The following PCAT7 variants were observed in gnomAD, a reference collection of about 807,000 sequenced individuals.
PCAT7 encodes prostate cancer associated transcript 7.
At chr9:94,555,823 G>T (rs1008838726) in intron 1 of PCAT7, among the ~76,000 whole-genome samples, 1 of 151,796 alleles carries the variant, frequency 6.6e-6, no homozygotes, top group Non-Finnish European at 1.5e-5. Flanking sequence ...GTGACAAGGA[G>T]GAGGAGAAAA....
chr9:94,574,274 A>T (rs527504254), intron 3 of PCAT7, among the ~76,000 whole-genome samples: 114 of 152,300 alleles, frequency 7.5e-4, no homozygotes, highest in Non-Finnish European at 1.4e-3. Flanking sequence ...ATCAATTTAT[A>T]CTTTTACCAC....
rs953520690 is a variant in PCAT7, at chr9:94,573,109, A to G, written n.512+60A>G. 8 of 152,216 alleles carry G rather than the reference A, an allele frequency of 5.3e-5. 1 individual carries two copies. Among genetic ancestry groups the G allele is most frequent in the South Asian group, 4.1e-4 (2 of 4,834 alleles). The allele number at this position is 152,216 out of a possible 1,614,324, so 9.4% of individuals were successfully genotyped here. A position where few individuals can be genotyped will look rare whatever the true frequency, so the allele number is the denominator to read the frequency against. On this transcript the variant is annotated intron_variant and non_coding_transcript_variant, in intron 3 of 8. Coordinates refer to ENST00000647389, the Ensembl canonical transcript of PCAT7. ...CTGGCTACAACTTTCAGGATTACAT[A>G]TGTTGGGTAACAGTGGCGAGTGAGG...
intron 1 of PCAT7, among the ~76,000 whole-genome samples, chr9:94,557,054 T>A (rs1827022962): frequency 6.6e-6 from 1 of 152,228 alleles, no homozygotes; most frequent in Non-Finnish European, 1.5e-5. Context: ...TCTGTCTCAT[T>A]CGTTCATCTC....
intron 1 of PCAT7, among the ~76,000 whole-genome samples, chr9:94,555,746 A>G (rs895383280): frequency 6.6e-5 from 10 of 151,728 alleles, no homozygotes; most frequent in African/African-American, 1.9e-4. Context: ...ACAGTGGCAG[A>G]AAAGAAAGAT....
At chr9:94,557,851 C>T (rs1827032705) in intron 1 of PCAT7, among the ~76,000 whole-genome samples, 1 of 152,176 alleles carries the variant, frequency 6.6e-6, no homozygotes, top group South Asian at 2.1e-4. Context: ...AGCAATTCTT[C>T]CTAAAACAAG....
At chr9:94,558,693 C>G (rs745586241) in intron 1 of PCAT7, 1 of 463,912 alleles carries the variant, frequency 2.2e-6, no homozygotes, top group Non-Finnish European at 3.9e-6. Flanking sequence ...GCCACTGTTT[C>G]TGACAGAAGA....
In PCAT7 at chr9:94,561,352, ATTTTTTTTT is replaced by A. The variant is rs1174386595; in HGVS notation, n.441+2220_441+2228del. Among the ~76,000 whole-genome samples the A allele has an allele frequency of 7.3e-4, 40 of 54,992 alleles. 1 individual carries two copies. The highest frequency in any genetic ancestry group is 0.018 in the Middle Eastern group (1 of 56). 36.1% of individuals were successfully genotyped at this position (54,992 alleles called of 152,430 possible). A position where few individuals can be genotyped will look rare whatever the true frequency, so the allele number is the denominator to read the frequency against. ...GCAGGCCATGTGACATGTGACCTGT[ATTTTTTTTT>A]TTTTTTTTTTTTTTTTTTTGAGATG... is the stretch of plus-strand genomic sequence containing the variant. On this transcript the variant is annotated intron_variant and non_coding_transcript_variant, in intron 2 of 8. Transcript: ENST00000647389.
chr9:94,567,292 A>G, intron 2 of PCAT7: 1 of 1,614,138 alleles, frequency 6.2e-7, no homozygotes, highest in Non-Finnish European at 8.5e-7. Flanking sequence ...CTTTTTCTGC[A>G]CATATTCAGT....
rs141155240 is a variant in PCAT7, at chr9:94,572,664, C to T, written n.442-315C>T. 7.9e-5 allele frequency among the ~76,000 whole-genome samples: 12 copies of T among 152,206 alleles called. No individual in the cohort carries two copies. The East Asian group carries it at 2.3e-3, about 29-fold the overall frequency. On this transcript the variant is annotated intron_variant and non_coding_transcript_variant, in intron 2 of 8. Coordinates refer to ENST00000647389, the Ensembl canonical transcript of PCAT7. ...TTGTTCCTGTCTGTTTACCCATCAC[C>T]TAGCACAATCCAGTCCACAGATATT...
At position 94,561,352 on chromosome 9, in the gene PCAT7, A is replaced by ATTTTTTTTTT. The variant is rs1174386595; in HGVS notation, n.441+2219_441+2228dup. ...GCAGGCCATGTGACATGTGACCTGT[A>ATTTTTTTTTT]TTTTTTTTTTTTTTTTTTTTTTTTT... On this transcript the variant is annotated intron_variant and non_coding_transcript_variant, in intron 2 of 8. Coordinates refer to ENST00000647389, the Ensembl canonical transcript of PCAT7. 3.7e-3 allele frequency among the ~76,000 whole-genome samples: 203 copies of ATTTTTTTTTT among 54,990 alleles called. 36 individuals are homozygous for ATTTTTTTTTT. Among genetic ancestry groups the ATTTTTTTTTT allele is most frequent in the Non-Finnish European group, 4.7e-3 (154 of 32,754 alleles). The allele number at this position is 54,990 out of a possible 152,430, so 36.1% of individuals were successfully genotyped here.
rs990975066 is a variant in PCAT7, at chr9:94,561,565, C to T, written n.441+2413C>T. The stretch of plus-strand genomic sequence containing the variant: ...TATTTTTAGTAGAGACGGGGTTTCA[C>T]TGTGTTAGCCAGGATGGTCTCGATC... On this transcript the variant is annotated intron_variant and non_coding_transcript_variant, in intron 2 of 8. Transcript: ENST00000647389. Among the ~76,000 whole-genome samples, 3 of 152,144 alleles carry T rather than the reference C, an allele frequency of 2.0e-5. No homozygotes were observed. The East Asian group carries it at 5.8e-4, about 30-fold the overall frequency.
At chr9:94,562,419 T>A (rs2131441515) in intron 2 of PCAT7, among the ~76,000 whole-genome samples, 1 of 151,894 alleles carries the variant, frequency 6.6e-6, no homozygotes, top group Middle Eastern at 3.4e-3. Context: ...TGCAGGCTTA[T>A]CAGTGTTCTT....
At chr9:94,573,268 G>A (rs1056636393) in intron 3 of PCAT7, among the ~76,000 whole-genome samples, 2 of 152,158 alleles carry the variant, frequency 1.3e-5, no homozygotes, top group Admixed American at 6.5e-5. Context: ...AAGACTTTCT[G>A]TTTTTTCAGA....
At chr9:94,568,378 T>C (rs1490451124) in intron 2 of PCAT7, 3 of 152,194 alleles carry the variant, frequency 2.0e-5, no homozygotes, top group African/African-American at 4.8e-5. Context: ...GCAGGGCATC[T>C]CTCAAATACC....
chr9:94,567,294 A>G, intron 2 of PCAT7: 2 of 1,614,158 alleles, frequency 1.2e-6, no homozygotes, highest in Non-Finnish European at 1.7e-6. Flanking sequence ...TTTTCTGCAC[A>G]TATTCAGTGG....
At chr9:94,570,131 A>T (rs773236321) in intron 2 of PCAT7, 4 of 152,202 alleles carry the variant, frequency 2.6e-5, no homozygotes, top group Non-Finnish European at 5.9e-5. Flanking sequence ...CTATGTCCAG[A>T]CTGGGCCCTG....
intron 2 of PCAT7, among the ~76,000 whole-genome samples, chr9:94,564,459 C>A (rs77855592): frequency 6.6e-6 from 1 of 152,102 alleles, no homozygotes; most frequent in African/African-American, 2.4e-5. Flanking sequence ...TACATATACA[C>A]AATGGAATAC....
chr9:94,558,561 G>A (rs952635929), intron 1 of PCAT7, among the ~76,000 whole-genome samples: 1 of 152,126 alleles, frequency 6.6e-6, no homozygotes, highest in Admixed American at 6.5e-5. Flanking sequence ...CCAAAGTGCT[G>A]GGATTACAGG....
At chr9:94,554,653 C>T (rs1024316202), upstream of PCAT7, among the ~76,000 whole-genome samples, 1 of 152,256 alleles carries the variant, frequency 6.6e-6, no homozygotes, top group African/African-American at 2.4e-5. Flanking sequence ...CAAGCTCCGG[C>T]TCCAGCCTCC....
Sources: gnomAD v4.1 joint callset for allele counts (sites outside exome capture counted in the v4.1 genomes callset) on GRCh38, gnomAD v4.1.1 for gene constraint, MANE v1.5 for transcripts, NCBI Gene and HGNC (gene_info 2026-07-23, HGNC 2026-07-21) for gene names.